The following NTN4 variants were observed in gnomAD, a reference collection of about 807,000 sequenced individuals.
The protein encoded by NTN4 is netrin 4, also known as netrin-4.
Under a neutral mutation model 73.6 loss-of-function variants are expected in NTN4, and 32 were observed. The observed-to-expected ratio is 0.44, with a 90% CI of 0.33 to 0.58. The LOEUF is 0.58. NTN4 is among the 20% of genes least tolerant of loss of function. The pLI, the probability that NTN4 is intolerant of heterozygous loss-of-function variation, is 0.04. For missense variants in NTN4, 654 were observed against 798.3 expected (o/e 0.82, Z 2.18); for synonymous variants, 258 against 287.5 (o/e 0.90, Z 1.04).
intron 3 of NTN4, among the ~76,000 whole-genome samples, chr12:95,713,624 G>A (rs1331819024): frequency 6.6e-6 from 1 of 152,088 alleles, no homozygotes; most frequent in Non-Finnish European, 1.5e-5. Flanking sequence ...TAAAGTACTG[G>A]CTAAGTTTTT....
intron 7 of NTN4, among the ~76,000 whole-genome samples, chr12:95,682,056 G>GTTTTTTTTTTTTTTTTTT (rs1349857597): frequency 2.6e-5 from 1 of 37,962 alleles, no homozygotes. Context: ...TATTCAGTAG[G>GTTTTTTTTTTTTTTTTTT]CTTTTTTTTT....
intron 3 of NTN4, among the ~76,000 whole-genome samples, chr12:95,736,459 T>C (rs1040328690): frequency 6.6e-6 from 1 of 152,156 alleles, no homozygotes; most frequent in Non-Finnish European, 1.5e-5. Context: ...ATCTGCATGC[T>C]CTCCTTTCAC....
At chr12:95,697,693 T>C (rs2468364) in intron 5 of NTN4, among the ~76,000 whole-genome samples, 118,457 of 150,920 alleles carry the variant, frequency 0.78, 46,565 homozygotes, top group African/African-American at 0.82. Flanking sequence ...AAATATATAT[T>C]TTATTATTTC....
intron 2 of NTN4, among the ~76,000 whole-genome samples, chr12:95,741,170 G>A (rs1050453588): frequency 8.6e-5 from 13 of 151,654 alleles, no homozygotes; most frequent in African/African-American, 1.2e-4. Context: ...ACAGTAGTCC[G>A]CCCTTATCCT....
In NTN4 at chr12:95,787,305, C is replaced by T. The variant is rs2079175836; in HGVS notation, c.219G>A (p.Arg73=). ...CATTGCACTTGTCACATTTGGGCTGCCGACAAGTCAGATCCGTGTTCTCAC... is the reference window on the plus strand; with the variant it reads ...CATTGCACTTGTCACATTTGGGCTGTCGACAAGTCAGATCCGTGTTCTCAC... ...FYSENTDLTC[R]QPKCDKCNAA... Residue 73 remains arginine, a synonymous_variant, in exon 2 of 10, where the codon CGG becomes CGA. Coordinates refer to ENST00000343702, the MANE Select transcript of NTN4 (RefSeq NM_021229.4). The T allele has an allele frequency of 6.2e-7, 1 of 1,614,108 alleles. No individual in the cohort carries two copies. The highest frequency in any genetic ancestry group is 1.3e-5 in the African/African-American group (1 of 74,940).
chr12:95,683,840 G>T (rs759831614), intron 5 of NTN4, 129 bp from the exon 6 acceptor site: 2 of 651,114 alleles, frequency 3.1e-6, no homozygotes, highest in Non-Finnish European at 5.5e-6. Context: ...TCTTTAGCCA[G>T]TGAGTGTATG....
intron 1 of NTN4, among the ~76,000 whole-genome samples, chr12:95,788,153 T>C (rs1174868752): frequency 6.6e-6 from 1 of 152,124 alleles, no homozygotes. Flanking sequence ...TACATAAACA[T>C]AACTAAGAAA....
At chr12:95,750,355 C>T (rs1341489382) in intron 2 of NTN4, among the ~76,000 whole-genome samples, 2 of 152,152 alleles carry the variant, frequency 1.3e-5, no homozygotes, top group South Asian at 2.1e-4. Context: ...GGCAACCTTC[C>T]ACCCTCCATT....
At chr12:95,774,243 A>G (rs2079076832) in intron 2 of NTN4, among the ~76,000 whole-genome samples, 1 of 151,998 alleles carries the variant, frequency 6.6e-6, no homozygotes. Flanking sequence ...CTTCAAGGCA[A>G]ATTAATCATC....
At chr12:95,679,364 TATG>T (rs964578639) in intron 7 of NTN4, among the ~76,000 whole-genome samples, 3 of 152,202 alleles carry the variant, frequency 2.0e-5, no homozygotes, top group Non-Finnish European at 4.4e-5. Flanking sequence ...AAACTTGATA[TATG>T]ATAAGGTAGC....
intron 2 of NTN4, among the ~76,000 whole-genome samples, chr12:95,741,004 C>T (rs868669554): frequency 4.6e-5 from 7 of 152,076 alleles, no homozygotes; most frequent in Admixed American, 4.6e-4. Context: ...TGAGAAACAC[C>T]GTTACATAAT....
In NTN4 at chr12:95,676,712, ATAAAG is replaced by A. The variant is rs1170537034; in HGVS notation, c.1510+5990_1510+5994del. ...AACTTAGAGAAAACATAAAAAAAAA[ATAAAG>A]ATAAGAGCAGAATTAGTGAAATAAA... On this transcript the variant is annotated intron_variant, in intron 7 of 9. Coordinates refer to ENST00000343702, the MANE Select transcript of NTN4 (RefSeq NM_021229.4). Among the ~76,000 whole-genome samples the A allele has an allele frequency of 2.7e-5, 4 of 150,852 alleles. No individual in the cohort carries two copies. The East Asian group carries it at 6.3e-4, about 24-fold the overall frequency.
chr12:95,784,609 A>G (rs969038424), intron 2 of NTN4, among the ~76,000 whole-genome samples: 1 of 152,088 alleles, frequency 6.6e-6, no homozygotes, highest in Non-Finnish European at 1.5e-5. Context: ...TCTACTAAAA[A>G]TACAAAAAAA....
At chr12:95,780,620 A>G (rs1421066269) in intron 2 of NTN4, among the ~76,000 whole-genome samples, 3 of 151,368 alleles carry the variant, frequency 2.0e-5, no homozygotes, top group Non-Finnish European at 4.4e-5. Context: ...CACACCAGTT[A>G]GAATGGTAAT....
intron 2 of NTN4, among the ~76,000 whole-genome samples, chr12:95,763,707 G>C (rs2079003278): frequency 6.6e-6 from 1 of 152,150 alleles, no homozygotes; most frequent in Non-Finnish European, 1.5e-5. Flanking sequence ...CTCTATTTCT[G>C]AACCTTTCTT....
chr12:95,753,931 C>T (rs1266846371), intron 2 of NTN4, among the ~76,000 whole-genome samples: 10 of 152,132 alleles, frequency 6.6e-5, no homozygotes, highest in Admixed American at 5.9e-4. Flanking sequence ...TCCTATTCAC[C>T]GTTCTCAACT....
chr12:95,686,122 G>C lies in NTN4; in HGVS notation c.1181-2411C>G, dbSNP rs754701712. ...TGCTCAGGCAGTCTTGAACTCCTGG[G>C]CTCAAGCAATGCTCTTGCCTTGGCC... is the stretch of plus-strand genomic sequence containing the variant. On this transcript the variant is annotated intron_variant, in intron 5 of 9. Coordinates refer to ENST00000343702, the MANE Select transcript of NTN4 (RefSeq NM_021229.4). Among the ~76,000 whole-genome samples, 40 of 152,200 alleles carry C rather than the reference G, an allele frequency of 2.6e-4. 1 individual carries two copies. Among genetic ancestry groups the C allele is most frequent in the Non-Finnish European group, 5.1e-4 (35 of 68,014 alleles).
intron 3 of NTN4, among the ~76,000 whole-genome samples, chr12:95,722,089 A>G (rs577464298): frequency 7.3e-6 from 1 of 136,578 alleles, no homozygotes; most frequent in East Asian, 2.1e-4. Context: ...TTTTTTTGGT[A>G]GTATTACAGC....
At chr12:95,680,863 G>A (rs537621774) in intron 7 of NTN4, among the ~76,000 whole-genome samples, 8 of 152,154 alleles carry the variant, frequency 5.3e-5, no homozygotes, top group East Asian at 1.9e-4. Context: ...ACAGGTGCAC[G>A]CCACCAAGCC....
Sources: allele counts gnomAD v4.1 joint callset (sites outside exome capture counted in the v4.1 genomes callset), GRCh38; gene constraint gnomAD v4.1.1; transcripts MANE v1.5; gene names NCBI Gene and HGNC (gene_info 2026-07-23, HGNC 2026-07-21).